Variants in CTNNA2 observed in about 807,000 individuals in gnomAD.
CTNNA2 encodes the protein catenin alpha-2.
CTNNA2 carries 42 observed loss-of-function variants against 101.0 expected under a neutral mutation model. The observed-to-expected ratio is 0.42, with a 90% CI of 0.32 to 0.54. The LOEUF is 0.54. CTNNA2 is among the 20% of genes least tolerant of loss of function. The probability of loss-of-function intolerance (pLI) is 0.14; values close to 1 mark genes in which losing one functional copy is unlikely to be tolerated. For synonymous variants in CTNNA2, 450 were observed against 456.4 expected, an observed-to-expected ratio of 0.99 and a Z score of 0.18; for missense variants, 871 against 1,223.1, an observed-to-expected ratio of 0.71 and a Z score of 4.29.
intron 1 of CTNNA2, among the ~76,000 whole-genome samples, chr2:79,540,125 A>G (rs1385263931): frequency 6.6e-6 from 1 of 152,176 alleles, no homozygotes; most frequent in Admixed American, 6.5e-5. Context: ...GTATGAAAGA[A>G]TAATTAAACT....
chr2:80,056,737 C>T (rs1483442577), intron 7 of CTNNA2, among the ~76,000 whole-genome samples: 2 of 152,206 alleles, frequency 1.3e-5, no homozygotes, highest in Admixed American at 1.3e-4. Context: ...ATGAAAGTAT[C>T]AAGAGACAGG....
At chr2:79,531,533 T>C (rs1039702550) in intron 1 of CTNNA2, among the ~76,000 whole-genome samples, 2 of 152,098 alleles carry the variant, frequency 1.3e-5, no homozygotes, top group East Asian at 1.9e-4. Flanking sequence ...ACACTTGTTT[T>C]ATGCCTGCAA....
intron 7 of CTNNA2, among the ~76,000 whole-genome samples, chr2:80,024,501 A>C (rs1188294324): frequency 6.6e-6 from 1 of 152,218 alleles, no homozygotes; most frequent in Non-Finnish European, 1.5e-5. Flanking sequence ...CCCTTGACCC[A>C]TCTGCAGGAT....
chr2:79,456,593 A>G (rs60485287), intron 4 of CTNNA2, among the ~76,000 whole-genome samples: 7,318 of 152,278 alleles, frequency 0.048, 299 homozygotes, highest in East Asian at 0.12. Context: ...ACAAATTGAC[A>G]TCAGCTTGTA....
chr2:79,559,146 A>C (rs1674619078), intron 1 of CTNNA2, among the ~76,000 whole-genome samples: 1 of 151,962 alleles, frequency 6.6e-6, no homozygotes, highest in Non-Finnish European at 1.5e-5. Context: ...TTAGAGCAGT[A>C]ATTTGAGAAG....
intron 9 of CTNNA2, among the ~76,000 whole-genome samples, chr2:80,430,648 G>T (rs1312457182): frequency 1.3e-5 from 2 of 152,182 alleles, no homozygotes; most frequent in Non-Finnish European, 2.9e-5. Flanking sequence ...AGTTGAGGAA[G>T]AGTGGTGTGA....
chr2:80,429,520 A>T (rs1235907326), intron 9 of CTNNA2, among the ~76,000 whole-genome samples: 1 of 152,222 alleles, frequency 6.6e-6, no homozygotes, highest in Non-Finnish European at 1.5e-5. Flanking sequence ...CTGATCCTTC[A>T]TGTAATTATT....
At chr2:79,628,402 G>A (rs560070899) in intron 1 of CTNNA2, among the ~76,000 whole-genome samples, 5 of 151,376 alleles carry the variant, frequency 3.3e-5, no homozygotes, top group Admixed American at 1.3e-4. Flanking sequence ...GCAGTGAACC[G>A]AGGTAGAGCC....
intron 7 of CTNNA2, among the ~76,000 whole-genome samples, chr2:80,220,635 G>A (rs1708521554): frequency 6.6e-6 from 1 of 152,188 alleles, no homozygotes; most frequent in Non-Finnish European, 1.5e-5. Context: ...TGCTGCATTT[G>A]TCATGGATAG....
chr2:79,650,619 CT>C (rs147904134), intron 1 of CTNNA2, among the ~76,000 whole-genome samples: 29,075 of 140,764 alleles, frequency 0.21, 3,002 homozygotes, highest in East Asian at 0.29. Context: ...CTCTGTGTTT[CT>C]TTTTTTTTTT....
At chr2:79,995,798 C>T (rs983520595) in intron 7 of CTNNA2, among the ~76,000 whole-genome samples, 7 of 152,128 alleles carry the variant, frequency 4.6e-5, no homozygotes, top group Admixed American at 2.6e-4. Context: ...GCCTGGGCAA[C>T]CGAGTGAAAC....
In CTNNA2 at chr2:79,458,544, G is replaced by A. The variant is rs527614532; in HGVS notation, c.-134-46510G>A. On this transcript the variant is annotated intron_variant, in intron 4 of 21. Transcript: ENST00000466387. The stretch of plus-strand genomic sequence containing the variant: ...CTCACTTATTTTTTCATCACAATAG[G>A]ATTGTTAATGATGTGGTTTTCTAGT... 3.9e-5 allele frequency among the ~76,000 whole-genome samples: 6 copies of A among 152,166 alleles called. No individual in the cohort carries two copies. In the South Asian group the frequency reaches 1.2e-3, roughly 32 times the overall value.
intron 1 of CTNNA2, among the ~76,000 whole-genome samples, chr2:79,596,779 C>T (rs1677217597): frequency 6.6e-6 from 1 of 152,198 alleles, no homozygotes; most frequent in African/African-American, 2.4e-5. Context: ...CTGTAATTTG[C>T]CCTTAGCTGT....
At chr2:79,804,590 G>C (rs2105311262) in intron 3 of CTNNA2, among the ~76,000 whole-genome samples, 1 of 152,222 alleles carries the variant, frequency 6.6e-6, no homozygotes, top group East Asian at 1.9e-4. Context: ...TTTATAGTTT[G>C]ACTTAATCTG....
intron 9 of CTNNA2, among the ~76,000 whole-genome samples, chr2:80,430,438 C>A (rs1040290492): frequency 3.3e-5 from 5 of 152,158 alleles, no homozygotes; most frequent in Non-Finnish European, 7.4e-5. Context: ...ACCAAAGTCA[C>A]TAGATGATGG....
At chr2:79,665,879 TA>T (rs1327889687) in intron 2 of CTNNA2, among the ~76,000 whole-genome samples, 1 of 152,228 alleles carries the variant, frequency 6.6e-6, no homozygotes, top group East Asian at 1.9e-4. Flanking sequence ...AATATGATGT[TA>T]TTACCAAATG....
chr2:80,513,961 G>A (rs1047735922), intron 9 of CTNNA2, among the ~76,000 whole-genome samples: 1 of 151,990 alleles, frequency 6.6e-6, no homozygotes, highest in Non-Finnish European at 1.5e-5. Flanking sequence ...TTCTTCTCCT[G>A]AATCACATTC....
At chr2:79,385,752 C>T (rs966594057) in intron 4 of CTNNA2, among the ~76,000 whole-genome samples, 4 of 151,874 alleles carry the variant, frequency 2.6e-5, no homozygotes, top group African/African-American at 9.7e-5. Context: ...TCTCACTGTT[C>T]GACTCCCACC....
chr2:79,500,117 T>G (rs2103801983), intron 4 of CTNNA2, among the ~76,000 whole-genome samples: 1 of 152,320 alleles, frequency 6.6e-6, no homozygotes, highest in South Asian at 2.1e-4. Context: ...TGTTGACACA[T>G]AAAATTCACC....
Sources: gnomAD v4.1 joint callset for allele counts (sites outside exome capture counted in the v4.1 genomes callset) on GRCh38, gnomAD v4.1.1 for gene constraint, MANE v1.5 for transcripts, NCBI Gene and HGNC (gene_info 2026-07-23, HGNC 2026-07-21) for gene names.